UNC13B: variants seen among roughly 807,000 people sequenced by gnomAD.
The protein encoded by UNC13B is unc-13 homolog B, also known as protein unc-13 homolog B.
UNC13B carries 144 observed loss-of-function variants against 211.0 expected under a neutral mutation model. The observed-to-expected ratio is 0.68, with a 90% CI of 0.60 to 0.78. The LOEUF is 0.78. Among genes scored for constraint, UNC13B ranks in the 30% least tolerant of loss-of-function variants. The probability of loss-of-function intolerance (pLI) is 0.00; values close to 1 mark genes in which losing one functional copy is unlikely to be tolerated. For synonymous variants in UNC13B, 709 were observed against 725.8 expected (o/e 0.98, Z 0.37); for missense variants, 1,777 against 2,002.0 (o/e 0.89, Z 2.14).
chr9:35,346,294 A>G (rs930154277), intron 11 of UNC13B, among the ~76,000 whole-genome samples: 4 of 152,082 alleles, frequency 2.6e-5, no homozygotes, highest in East Asian at 1.9e-4. Context: ...ATATATGTAC[A>G]TCGAGTCCTG....
At chr9:35,172,489 A>T (rs1171854483) in intron 1 of UNC13B, among the ~76,000 whole-genome samples, 2 of 151,944 alleles carry the variant, frequency 1.3e-5, no homozygotes, top group Admixed American at 6.6e-5. Context: ...CCTTTCATAT[A>T]CTATATTAGG....
chr9:35,311,800 C>T (rs1830192373), intron 10 of UNC13B, among the ~76,000 whole-genome samples: 1 of 152,056 alleles, frequency 6.6e-6, no homozygotes, highest in Non-Finnish European at 1.5e-5. Flanking sequence ...CTCCTCAGGG[C>T]CTAGCAATGT....
chr9:35,289,127 C>T (rs985845474), intron 7 of UNC13B, among the ~76,000 whole-genome samples: 7 of 151,806 alleles, frequency 4.6e-5, no homozygotes, highest in Admixed American at 6.6e-5. Context: ...CATAGGTGGT[C>T]GGAATAAAGT....
At chr9:35,272,513 C>T (rs929134774) in intron 7 of UNC13B, among the ~76,000 whole-genome samples, 5 of 152,068 alleles carry the variant, frequency 3.3e-5, no homozygotes, top group African/African-American at 4.8e-5. Flanking sequence ...CCACCTCGGC[C>T]TCCCAAAGTG....
intron 12 of UNC13B, among the ~76,000 whole-genome samples, chr9:35,369,929 G>A (rs1179295050): frequency 3.9e-5 from 6 of 152,150 alleles, no homozygotes; most frequent in Non-Finnish European, 8.8e-5. Context: ...GCACAGCCTT[G>A]GCAAGACTTA....
intron 7 of UNC13B, among the ~76,000 whole-genome samples, chr9:35,261,769 CT>C (rs756395427): frequency 2.0e-5 from 3 of 152,058 alleles, no homozygotes; most frequent in Middle Eastern, 3.2e-3. Flanking sequence ...CCTCTTACCC[CT>C]AACTCCCCTT....
rs1475708024 is a variant in UNC13B at position 35,310,851 on chromosome 9, A to G, written c.9323+70A>G. 4.8e-6 allele frequency: 7 copies of G among 1,444,944 alleles called. No homozygotes were observed. The South Asian group carries it at 9.3e-5, about 19-fold the overall frequency. The allele number at this position is 1,444,944 out of a possible 1,614,324, so 89.5% of individuals were successfully genotyped here. A position where few individuals can be genotyped will look rare whatever the true frequency, so the allele number is the denominator to read the frequency against. ...CCTGCCCTGTGGTATTGCTGAAAATAAGTGATTGTCATTTGTTTCCCTGCA... is the reference window on the plus strand; with the variant it reads ...CCTGCCCTGTGGTATTGCTGAAAATGAGTGATTGTCATTTGTTTCCCTGCA... On this transcript the variant is annotated intron_variant, in intron 10 of 39. Coordinates refer to ENST00000635942, the MANE Select transcript of UNC13B (RefSeq NM_001371189.2).
intron 5 of UNC13B, among the ~76,000 whole-genome samples, chr9:35,242,610 G>A (rs1251646903): frequency 6.6e-6 from 1 of 152,092 alleles, no homozygotes; most frequent in East Asian, 1.9e-4. Context: ...TATGGCATGT[G>A]GCAGGATTTT....
In UNC13B at chr9:35,174,150, T is replaced by TC. The variant is rs565062278; in HGVS notation, c.22+11845_22+11846insC. On this transcript the variant is annotated intron_variant, in intron 1 of 39. Coordinates refer to ENST00000635942, the MANE Select transcript of UNC13B (RefSeq NM_001371189.2). Reference sequence around the variant, plus strand: ...TTCCTAGACCTCTCTCTCTCTCTCTTTTTTTGAGACAGAATCTCACCTTTT... The same window carrying TC: ...TTCCTAGACCTCTCTCTCTCTCTCTTCTTTTTGAGACAGAATCTCACCTTTT... 8.8e-3 allele frequency among the ~76,000 whole-genome samples: 1,132 copies of TC among 129,152 alleles called. 11 individuals carry two copies. The highest frequency in any genetic ancestry group is 0.016 in the Admixed American group (214 of 13,042). The allele number at this position is 129,152 out of a possible 152,430, so 84.7% of individuals were successfully genotyped here. A position where few individuals can be genotyped will look rare whatever the true frequency, so the allele number is the denominator to read the frequency against.
intron 12 of UNC13B, 75 bp from the exon 13 acceptor site, chr9:35,370,243 G>T: frequency 7.7e-7 from 1 of 1,296,334 alleles, no homozygotes; most frequent in Non-Finnish European, 1.1e-6. Context: ...GGAGAGCAAG[G>T]TGAATGGAAC....
chr9:35,167,822 G>A (rs1458511711), intron 1 of UNC13B, among the ~76,000 whole-genome samples: 1 of 144,618 alleles, frequency 6.9e-6, no homozygotes. Flanking sequence ...CCAGGCTGGT[G>A]TTGAACTCCT....
Position 35,162,090 on chromosome 9 carries a change from AC to A in UNC13B, c.-191del. 1.3e-6 allele frequency: 1 copy of A among 793,140 alleles called. No homozygotes were observed. Among genetic ancestry groups the A allele is most frequent in the Non-Finnish European group, 2.0e-6 (1 of 503,706 alleles). 49.1% of individuals were successfully genotyped at this position (793,140 alleles called of 1,614,324 possible). On this transcript the variant is annotated 5_prime_UTR_variant, in exon 1 of 40. It removes the in-frame stop codon of an upstream open reading frame in the 5' UTR. Coordinates refer to ENST00000635942, the MANE Select transcript of UNC13B (RefSeq NM_001371189.2). ...AGCCTGCCGGCCGGTACTCACCGCT[AC>A]CCGGAGTTCGCTCAGACGGTGAGAT...
chr9:35,257,815 C>A (rs903699804), intron 6 of UNC13B, among the ~76,000 whole-genome samples: 1 of 152,048 alleles, frequency 6.6e-6, no homozygotes, highest in Non-Finnish European at 1.5e-5. Context: ...AAATGCTCTT[C>A]ACCACTGATA....
intron 1 of UNC13B, among the ~76,000 whole-genome samples, chr9:35,181,327 TA>T (rs975632334): frequency 1.3e-5 from 2 of 152,090 alleles, no homozygotes; most frequent in Non-Finnish European, 2.9e-5. Flanking sequence ...TTCTGTTTTC[TA>T]AAAAAAATTC....
chr9:35,387,063 C>A (rs972945756), intron 24 of UNC13B, among the ~76,000 whole-genome samples: 6 of 152,298 alleles, frequency 3.9e-5, no homozygotes, highest in African/African-American at 9.6e-5. Context: ...GAGGAGAGCA[C>A]AGTGCTCCTT....
rs1830986977 is a variant in UNC13B, at chr9:35,326,029, A to C, written c.9414+12040A>C. Reference sequence around the variant, plus strand: ...GCTAGGTCATATGGTAACGTTGTTTAACATTTTGAGAAACCGCCAGACTGT... The same window carrying C: ...GCTAGGTCATATGGTAACGTTGTTTCACATTTTGAGAAACCGCCAGACTGT... On this transcript the variant is annotated intron_variant, in intron 11 of 39. Transcript: ENST00000635942. Among the ~76,000 whole-genome samples the C allele has an allele frequency of 1.3e-5, 2 of 152,190 alleles. 1 individual carries two copies. Among genetic ancestry groups the C allele is most frequent in the Non-Finnish European group, 2.9e-5 (2 of 68,024 alleles).
intron 29 of UNC13B, among the ~76,000 whole-genome samples, 156 bp from the exon 30 acceptor site, chr9:35,397,479 T>A (rs1413070559): frequency 6.6e-6 from 1 of 152,196 alleles, no homozygotes; most frequent in African/African-American, 2.4e-5. Flanking sequence ...CTTAGTGCTG[T>A]TCTGTGGTTG....
intron 17 of UNC13B, 152 bp downstream of exon 17, chr9:35,378,588 T>A (rs1834607740): frequency 1.9e-6 from 2 of 1,035,502 alleles, no homozygotes. Context: ...CAGCCATTCT[T>A]TCTCTGGTTT....
chr9:35,224,034 C>T lies in UNC13B; in HGVS notation c.23-3981C>T, dbSNP rs551600346. Among the ~76,000 whole-genome samples, 76 of 152,246 alleles carry T rather than the reference C, an allele frequency of 5.0e-4. 1 individual carries two copies. The highest frequency in any genetic ancestry group is 9.2e-4 in the Admixed American group (14 of 15,288). ...GTCTCAGTTTTTATACCAGTAGTAA[C>T]CTGCTTTGGTTACTATAGCTTTATG... On this transcript the variant is annotated intron_variant, in intron 1 of 39. Transcript: ENST00000635942.
Sources: allele counts gnomAD v4.1 joint callset (sites outside exome capture counted in the v4.1 genomes callset), GRCh38; gene constraint gnomAD v4.1.1; transcripts MANE v1.5; gene names NCBI Gene and HGNC (gene_info 2026-07-23, HGNC 2026-07-21).